Variants in ENKUR observed in about 807,000 individuals in gnomAD.
ENKUR encodes enkurin.
In ENKUR, 19 loss-of-function variants were observed where a neutral mutation model predicts 27.6. The ratio of observed to expected loss-of-function variants is 0.69; its 90% confidence interval spans 0.48 to 1.01. The LOEUF (loss-of-function observed/expected upper bound fraction) is 1.01, where lower values mean the gene tolerates loss of function less well. ENKUR is among the 50% of genes least tolerant of loss of function. The pLI, the probability that ENKUR is intolerant of heterozygous loss-of-function variation, is 0.00. For synonymous variants in ENKUR, 117 were observed against 96.9 expected (o/e 1.21, Z -1.22); for missense variants, 312 against 310.5 (o/e 1.00, Z -0.04).
intron 2 of ENKUR, chr10:25,025,555 A>G (rs1850833782): frequency 1.8e-6 from 2 of 1,140,934 alleles, no homozygotes; most frequent in Non-Finnish European, 2.5e-6. Flanking sequence ...TTATGTAAAT[A>G]TCTCTATATC....
upstream of ENKUR, among the ~76,000 whole-genome samples, chr10:25,018,659 G>GTTTTGT (rs1850658027): frequency 1.1e-5 from 1 of 93,714 alleles, no homozygotes; most frequent in African/African-American, 3.5e-5. Context: ...AATGAGAGTT[G>GTTTTGT]TTTTTTTTTT....
At chr10:25,009,746 T>A (rs1850397216) in intron 1 of ENKUR, among the ~76,000 whole-genome samples, 1 of 152,124 alleles carries the variant, frequency 6.6e-6, no homozygotes, top group Admixed American at 6.5e-5. Flanking sequence ...ATGCTGTTCT[T>A]GGGATAGTGA....
chr10:25,019,523 CAAAA>C (rs1303310824), upstream of ENKUR, among the ~76,000 whole-genome samples: 2 of 152,078 alleles, frequency 1.3e-5, no homozygotes, highest in African/African-American at 2.4e-5. Context: ...ATACCACAAA[CAAAA>C]AAGCAAATTA....
At chr10:25,019,242 G>C (rs2132744300), upstream of ENKUR, among the ~76,000 whole-genome samples, 1 of 152,342 alleles carries the variant, frequency 6.6e-6, no homozygotes, top group African/African-American at 2.4e-5. Context: ...TGAAGGCCAA[G>C]GCAGGAAGAC....
chr10:24,985,932 G>T (rs1849768591), intron 4 of ENKUR, among the ~76,000 whole-genome samples: 1 of 152,176 alleles, frequency 6.6e-6, no homozygotes, highest in African/African-American at 2.4e-5. Flanking sequence ...GCCAGGTGTG[G>T]TAGCATGGGC....
intron 2 of ENKUR, among the ~76,000 whole-genome samples, chr10:25,051,454 C>T (rs1054060384): frequency 2.0e-5 from 3 of 152,140 alleles, no homozygotes; most frequent in African/African-American, 7.2e-5. Context: ...ATGATGCTGG[C>T]ATCTGCTCAG....
At chr10:25,012,228 C>CA (rs58921355) in intron 1 of ENKUR, among the ~76,000 whole-genome samples, 9,633 of 152,298 alleles carry the variant, frequency 0.063, 837 homozygotes, top group African/African-American at 0.19. Flanking sequence ...AGATGTGCTT[C>CA]GGGGCAGAGC....
chr10:25,011,267 C>A (rs915035616), intron 1 of ENKUR, among the ~76,000 whole-genome samples: 4 of 152,086 alleles, frequency 2.6e-5, no homozygotes, highest in Non-Finnish European at 4.4e-5. Context: ...CTGTTCATGT[C>A]CTTTGCCCAC....
chr10:25,039,114 A>C (rs543547265), intron 2 of ENKUR, among the ~76,000 whole-genome samples: 1 of 152,368 alleles, frequency 6.6e-6, no homozygotes, highest in Admixed American at 6.5e-5. Context: ...AATGAATTTA[A>C]GTCTACATTA....
At chr10:25,059,490 A>G (rs1851302585) in intron 2 of ENKUR, among the ~76,000 whole-genome samples, 2 of 152,132 alleles carry the variant, frequency 1.3e-5, no homozygotes, top group African/African-American at 4.8e-5. Flanking sequence ...ATATAACATA[A>G]AAAAATTCAT....
chr10:25,048,581 A>G (rs1360219725), intron 2 of ENKUR, among the ~76,000 whole-genome samples: 1 of 151,966 alleles, frequency 6.6e-6, no homozygotes, highest in East Asian at 2.0e-4. Context: ...CACACCAAGC[A>G]GAAGCTGCTG....
intron 3 of ENKUR, among the ~76,000 whole-genome samples, chr10:24,992,610 G>C (rs1379902684): frequency 6.6e-6 from 1 of 152,196 alleles, no homozygotes; most frequent in Non-Finnish European, 1.5e-5. Context: ...GCAATGTTTA[G>C]ATTTTTCTGG....
intron 2 of ENKUR, among the ~76,000 whole-genome samples, chr10:25,054,051 T>C (rs1851217522): frequency 1.3e-5 from 2 of 152,234 alleles, no homozygotes; most frequent in Non-Finnish European, 2.9e-5. Context: ...TATTAATTTC[T>C]GAATATAACT....
In ENKUR at chr10:25,060,403, G is replaced by A. The variant is rs566119095; in HGVS notation, c.37+709C>T. Among the ~76,000 whole-genome samples, 92 of 152,104 alleles carry A rather than the reference G, an allele frequency of 6.0e-4. 1 individual carries two copies. Among genetic ancestry groups the A allele is most frequent in the Non-Finnish European group, 3.8e-4 (26 of 68,024 alleles). ...CTGCTCTAATTTCTCAAATAGATCC[G>A]CAGCAGAAAACACAGTTCTCATCCT... On this transcript the variant is annotated intron_variant, in intron 2 of 5. Coordinates refer to the ENKUR transcript ENST00000615958.
At chr10:25,024,368 C>T (rs867823531) in intron 2 of ENKUR, 1 of 1,613,874 alleles carries the variant, frequency 6.2e-7, no homozygotes, top group African/African-American at 1.3e-5. Context: ...TCAGGAGACA[C>T]AGGGAGTGCA....
At chr10:25,050,931 C>A (rs1328355324) in intron 2 of ENKUR, among the ~76,000 whole-genome samples, 2 of 152,132 alleles carry the variant, frequency 1.3e-5, no homozygotes, top group East Asian at 3.8e-4. Context: ...CATGGGTCAC[C>A]TTTGTGCTGA....
At chr10:24,984,472 TAATG>T in intron 5 of ENKUR, 96 bp from the exon 6 acceptor site, 1 of 1,372,290 alleles carries the variant, frequency 7.3e-7, no homozygotes, top group Non-Finnish European at 9.9e-7. Context: ...TACATAATAA[TAATG>T]AATTACATTG....
chr10:24,990,350 T>C, intron 4 of ENKUR, 113 bp downstream of exon 4: 1 of 1,365,494 alleles, frequency 7.3e-7, no homozygotes, highest in East Asian at 2.4e-5. Flanking sequence ...CCCAAAGAGA[T>C]TGTTCTGATT....
chr10:25,033,385 C>T (rs571539015), intron 2 of ENKUR, among the ~76,000 whole-genome samples: 1 of 101,904 alleles, frequency 9.8e-6, no homozygotes, highest in African/African-American at 4.0e-5. Flanking sequence ...GTCTGGGTGA[C>T]AGAGGAAGAC....
Sources: gnomAD v4.1 joint callset for allele counts (sites outside exome capture counted in the v4.1 genomes callset) on GRCh38, gnomAD v4.1.1 for gene constraint, MANE v1.5 for transcripts, NCBI Gene and HGNC (gene_info 2026-07-23, HGNC 2026-07-21) for gene names.